Variants in RARB observed in about 807,000 individuals in gnomAD.
RARB encodes retinoic acid receptor beta.
RARB carries 17 observed loss-of-function variants against 51.9 expected under a neutral mutation model. The ratio of observed to expected loss-of-function variants is 0.33; its 90% CI spans 0.22 to 0.49. The LOEUF is 0.49. Among genes scored for constraint, RARB ranks in the 20% least tolerant of loss-of-function variants. RARB has a pLI of 0.99. For missense variants in RARB, 369 were observed against 550.8 expected, an observed-to-expected ratio of 0.67 and a Z score of 3.30; for synonymous variants, 215 against 195.4, an observed-to-expected ratio of 1.10 and a Z score of -0.84.
chr3:25,217,474 G>C (rs1319666190), intron 5 of RARB, among the ~76,000 whole-genome samples: 1 of 151,844 alleles, frequency 6.6e-6, no homozygotes, highest in Non-Finnish European at 1.5e-5. Flanking sequence ...AGGACAAAGG[G>C]GGCATGAAAA....
intron 2 of RARB, among the ~76,000 whole-genome samples, chr3:24,917,622 C>T (rs1476095458): frequency 1.3e-5 from 2 of 152,230 alleles, no homozygotes; most frequent in Admixed American, 6.5e-5. Flanking sequence ...CCTCTGCCTC[C>T]TGGGTTCAAG....
At chr3:25,520,774 T>C (rs1194917139) in intron 3 of RARB, among the ~76,000 whole-genome samples, 1 of 152,182 alleles carries the variant, frequency 6.6e-6, no homozygotes, top group African/African-American at 2.4e-5. Context: ...AGTGAAATGC[T>C]CTAACACTTA....
At chr3:24,881,650 A>G (rs1703169124) in intron 2 of RARB, among the ~76,000 whole-genome samples, 1 of 152,216 alleles carries the variant, frequency 6.6e-6, no homozygotes, top group Admixed American at 6.5e-5. Flanking sequence ...AAGTTACTGG[A>G]ATCCAGAAGA....
chr3:25,233,766 GT>G (rs59013881), intron 5 of RARB, among the ~76,000 whole-genome samples: 6,127 of 135,542 alleles, frequency 0.045, 136 homozygotes, highest in Middle Eastern at 0.058. Flanking sequence ...TTTGGTTGTT[GT>G]TTTTTTTTTT....
At chr3:25,297,137 G>A (rs555222751) in intron 5 of RARB, among the ~76,000 whole-genome samples, 2 of 152,254 alleles carry the variant, frequency 1.3e-5, no homozygotes, top group South Asian at 4.1e-4. Context: ...ACTCTGTGAT[G>A]GTATGCAAAA....
chr3:25,366,574 A>T (rs902802098), intron 5 of RARB, among the ~76,000 whole-genome samples: 6 of 152,264 alleles, frequency 3.9e-5, no homozygotes, highest in Non-Finnish European at 8.8e-5. Context: ...GGAAAACTCA[A>T]CATAAAGGAA....
Position 25,392,923 on chromosome 3 carries a change from A to G in RARB, c.179-68270A>G, listed in dbSNP as rs145185449. ...TGCTCTGGCTAGGACTTCCAGTACT[A>G]TGTTGAATACAAGTGGTGAATGTGT... On this transcript the variant is annotated intron_variant, in intron 5 of 11. Transcript: ENST00000383772. 3.3e-5 allele frequency among the ~76,000 whole-genome samples: 5 copies of G among 152,196 alleles called. No individual in the cohort carries two copies. The East Asian group carries it at 5.8e-4, about 18-fold the overall frequency.
At chr3:24,963,805 T>A (rs1034519596) in intron 2 of RARB, among the ~76,000 whole-genome samples, 1 of 152,116 alleles carries the variant, frequency 6.6e-6, no homozygotes, top group Non-Finnish European at 1.5e-5. Context: ...TGTCTTCTTT[T>A]CCAAAATCAA....
rs530503055 is a variant in RARB at position 25,286,328 on chromosome 3, T to C, written c.178+111753T>C. On this transcript the variant is annotated intron_variant, in intron 5 of 11. Coordinates refer to the RARB transcript ENST00000383772. ...TGGTCTCGATCTCCTGACCTCGTGA[T>C]CCACCCGCCTTGGCCTCCCAAAGTG... 3.0e-3 allele frequency among the ~76,000 whole-genome samples: 451 copies of C among 152,276 alleles called. 3 individuals carry two copies. Among genetic ancestry groups the C allele is most frequent in the Middle Eastern group, 0.01 (3 of 294 alleles).
intron 5 of RARB, among the ~76,000 whole-genome samples, chr3:25,306,111 G>GA (rs929701522): frequency 3.9e-5 from 6 of 151,970 alleles, no homozygotes; most frequent in Admixed American, 3.9e-4. Flanking sequence ...AACACAGGGG[G>GA]AAAAAAGACC....
At chr3:25,298,287 A>G (rs949440623) in intron 5 of RARB, among the ~76,000 whole-genome samples, 2 of 151,526 alleles carry the variant, frequency 1.3e-5, no homozygotes, top group African/African-American at 2.4e-5. Context: ...GTTTCATGCA[A>G]TTCTCCTGCC....
chr3:25,161,081 C>T (rs954402880), intron 4 of RARB, among the ~76,000 whole-genome samples: 7 of 152,028 alleles, frequency 4.6e-5, no homozygotes, highest in South Asian at 2.1e-4. Flanking sequence ...GGCCCAATCT[C>T]GGCTCACTAC....
At chr3:25,050,222 C>G (rs1358852588) in intron 2 of RARB, among the ~76,000 whole-genome samples, 1 of 152,088 alleles carries the variant, frequency 6.6e-6, no homozygotes, top group African/African-American at 2.4e-5. Context: ...ATCTGTGCTT[C>G]TCCTTGACTC....
chr3:25,212,989 C>T (rs1338286460), intron 5 of RARB, among the ~76,000 whole-genome samples: 2 of 152,186 alleles, frequency 1.3e-5, no homozygotes, highest in East Asian at 1.9e-4. Context: ...ATTTCACTCT[C>T]AGGAGAAGCT....
chr3:25,077,082 G>T (rs1698885450), intron 3 of RARB, among the ~76,000 whole-genome samples: 1 of 152,200 alleles, frequency 6.6e-6, no homozygotes, highest in African/African-American at 2.4e-5. Flanking sequence ...TTTGGGCCCA[G>T]ATAGAAATAC....
intron 5 of RARB, among the ~76,000 whole-genome samples, chr3:25,397,558 C>A (rs1169993854): frequency 6.6e-6 from 1 of 152,172 alleles, no homozygotes; most frequent in Non-Finnish European, 1.5e-5. Context: ...TGCCTCCTAG[C>A]CAACATTTTT....
chr3:25,036,084 T>G (rs1697987652), intron 2 of RARB, among the ~76,000 whole-genome samples: 1 of 152,200 alleles, frequency 6.6e-6, no homozygotes, highest in South Asian at 2.1e-4. Context: ...AGACAAGTAT[T>G]TATTTTTTTT....
chr3:25,218,057 T>C (rs1033562051), intron 5 of RARB, among the ~76,000 whole-genome samples: 2 of 152,246 alleles, frequency 1.3e-5, no homozygotes, highest in East Asian at 3.8e-4. Flanking sequence ...AAAGTTTATT[T>C]TCATTCCCTT....
rs775105660 is a variant in RARB, at chr3:25,594,668, C to G, written c.1140C>G (p.Ile380Met). 10 of 1,612,430 alleles carry G rather than the reference C, an allele frequency of 6.2e-6. No homozygotes were observed. In the Admixed American group the frequency reaches 1.3e-4, roughly 22 times the overall value. Residue 380 changes from isoleucine to methionine, a missense_variant, in exon 7 of 8, where the codon ATC becomes ATG. Transcript: ENST00000330688. ...ILMKITDLRS[I>M]SAKGAERVIT... ...TGAAAATCACAGATCTCCGTAGCAT[C>G]AGTGCTAAAGGTATGTCTTCGTGCT...
Sources: gnomAD v4.1 joint callset for allele counts (sites outside exome capture counted in the v4.1 genomes callset) on GRCh38, gnomAD v4.1.1 for gene constraint, MANE v1.5 for transcripts, NCBI Gene and HGNC (gene_info 2026-07-23, HGNC 2026-07-21) for gene names.